MAPRE2: variants seen among roughly 807,000 people sequenced by gnomAD.
MAPRE2 encodes microtubule associated protein RP/EB family member 2, also known as microtubule-associated protein RP/EB family member 2.
Under a neutral mutation model 43.2 loss-of-function variants are expected in MAPRE2, and 13 were observed. The ratio of observed to expected loss-of-function variants is 0.30; its 90% CI spans 0.20 to 0.48. The LOEUF is 0.48. MAPRE2 is among the 20% of genes least tolerant of loss of function. The pLI is 0.99. For synonymous variants in MAPRE2, 135 were observed against 148.8 expected (o/e 0.91, Z 0.68); for missense variants, 161 against 400.2 (o/e 0.40, Z 5.10).
intron 2 of MAPRE2, 62 bp downstream of exon 2, chr18:35,070,384 T>G: frequency 7.2e-7 from 1 of 1,394,482 alleles, no homozygotes; most frequent in Non-Finnish European, 9.6e-7. Context: ...GGAATGTGAT[T>G]TTATGAACCA....
intron 1 of MAPRE2, among the ~76,000 whole-genome samples, chr18:34,989,359 G>A (rs2097022591): frequency 6.6e-6 from 1 of 152,040 alleles, no homozygotes; most frequent in Non-Finnish European, 1.5e-5. Context: ...TTCTATCCTG[G>A]ATGTCCTAGT....
intron 1 of MAPRE2, among the ~76,000 whole-genome samples, chr18:35,063,701 C>CA (rs1568989580): frequency 6.6e-6 from 1 of 151,830 alleles, no homozygotes; most frequent in Non-Finnish European, 1.5e-5. Flanking sequence ...GATATAAAAA[C>CA]AAAAAAGTCA....
chr18:35,045,414 G>A (rs555719876), intron 1 of MAPRE2, among the ~76,000 whole-genome samples: 1 of 151,762 alleles, frequency 6.6e-6, no homozygotes, highest in Admixed American at 6.6e-5. Context: ...TTGAGCATGC[G>A]ACTACAGTAG....
At chr18:35,126,534 A>T (rs914540185) in intron 4 of MAPRE2, among the ~76,000 whole-genome samples, 1 of 152,264 alleles carries the variant, frequency 6.6e-6, no homozygotes, top group African/African-American at 2.4e-5. Flanking sequence ...ATTTGGATTG[A>T]TATTTCTGCT....
intron 3 of MAPRE2, among the ~76,000 whole-genome samples, chr18:35,099,863 T>C (rs1162380654): frequency 5.9e-5 from 9 of 152,238 alleles, no homozygotes. Context: ...GCAAAATTTA[T>C]TGCTAATTAT....
At chr18:35,006,594 TG>T (rs1375538383) in intron 2 of MAPRE2, among the ~76,000 whole-genome samples, 1 of 152,212 alleles carries the variant, frequency 6.6e-6, no homozygotes, top group Admixed American at 6.5e-5. Flanking sequence ...TTTAAGAAGT[TG>T]TCTTGATATT....
intron 1 of MAPRE2, among the ~76,000 whole-genome samples, chr18:34,992,336 A>T (rs1465710618): frequency 6.6e-6 from 1 of 152,230 alleles, no homozygotes; most frequent in Non-Finnish European, 1.5e-5. Context: ...CTGTGCAATG[A>T]TCTTCACTCA....
At chr18:35,091,218 A>G (rs1344713950) in intron 2 of MAPRE2, among the ~76,000 whole-genome samples, 1 of 152,244 alleles carries the variant, frequency 6.6e-6, no homozygotes, top group African/African-American at 2.4e-5. Flanking sequence ...TGAAAAATCC[A>G]CACCTAATCT....
intron 6 of MAPRE2, among the ~76,000 whole-genome samples, chr18:35,135,985 C>G (rs144831020): frequency 6.6e-6 from 1 of 152,192 alleles, no homozygotes; most frequent in Non-Finnish European, 1.5e-5. Flanking sequence ...CTGGGGAGAT[C>G]TCTTCCCCTG....
At chr18:35,078,394 TA>T (rs1165748253) in intron 2 of MAPRE2, among the ~76,000 whole-genome samples, 3 of 152,212 alleles carry the variant, frequency 2.0e-5, no homozygotes, top group African/African-American at 7.2e-5. Context: ...TTTTATACAT[TA>T]GGGGTATAAT....
chr18:35,034,000 T>C (rs1381199132), intron 2 of MAPRE2, among the ~76,000 whole-genome samples: 1 of 151,314 alleles, frequency 6.6e-6, no homozygotes, highest in Non-Finnish European at 1.5e-5. Flanking sequence ...CTTCACAGAA[T>C]TGGAAAAAAC....
intron 6 of MAPRE2, among the ~76,000 whole-genome samples, chr18:35,133,770 C>T (rs926479488): frequency 6.6e-6 from 1 of 152,188 alleles, no homozygotes; most frequent in African/African-American, 2.4e-5. Context: ...TTGGAGAGGT[C>T]CACTGAATTC....
intron 1 of MAPRE2, among the ~76,000 whole-genome samples, chr18:34,991,173 C>T (rs1031711589): frequency 2.6e-5 from 4 of 152,128 alleles, no homozygotes; most frequent in Admixed American, 6.5e-5. Flanking sequence ...CCACCTCCTC[C>T]TGCCTCTTTC....
At chr18:35,019,975 T>C (rs927896666) in intron 2 of MAPRE2, among the ~76,000 whole-genome samples, 5 of 152,146 alleles carry the variant, frequency 3.3e-5, no homozygotes, top group East Asian at 3.8e-4. Context: ...AGACATTAGA[T>C]ACTTAATACA....
intron 1 of MAPRE2, among the ~76,000 whole-genome samples, chr18:35,046,238 G>A (rs1905614842): frequency 6.6e-6 from 1 of 152,218 alleles, no homozygotes; most frequent in Non-Finnish European, 1.5e-5. Flanking sequence ...CAAGGTCTGT[G>A]CTAGATGCCC....
At chr18:34,983,445 T>A (rs610144) in intron 1 of MAPRE2, among the ~76,000 whole-genome samples, 38,751 of 151,930 alleles carry the variant, frequency 0.26, 4,949 homozygotes, top group African/African-American at 0.27. Context: ...TTGCCTTAAC[T>A]CTTTAGTCAA....
At chr18:35,131,817 C>T in intron 5 of MAPRE2, 1 of 541,772 alleles carries the variant, frequency 1.8e-6, no homozygotes, top group Non-Finnish European at 3.3e-6. Flanking sequence ...GCTCAGTTGC[C>T]TGAAGGGAAT....
chr18:35,106,595 C>A (rs1345731596), intron 4 of MAPRE2, among the ~76,000 whole-genome samples: 1 of 152,008 alleles, frequency 6.6e-6, no homozygotes, highest in Non-Finnish European at 1.5e-5. Context: ...CTTGGTGCAT[C>A]CTGTTTTTTT....
intron 6 of MAPRE2, among the ~76,000 whole-genome samples, chr18:35,138,369 G>C (rs566510922): frequency 6.6e-6 from 1 of 152,300 alleles, no homozygotes; most frequent in Non-Finnish European, 1.5e-5. Context: ...AGTTCTAGGT[G>C]GTGAACACAG....
Sources: allele counts gnomAD v4.1 joint callset (sites outside exome capture counted in the v4.1 genomes callset), GRCh38; gene constraint gnomAD v4.1.1; transcripts MANE v1.5; gene names NCBI Gene and HGNC (gene_info 2026-07-23, HGNC 2026-07-21).